STK10: variants seen among roughly 807,000 people sequenced by gnomAD.
The protein encoded by STK10 is serine/threonine-protein kinase 10.
In STK10, 78 loss-of-function variants were observed where a neutral mutation model predicts 113.8. The ratio of observed to expected loss-of-function variants is 0.69; its 90% CI spans 0.57 to 0.83. The LOEUF is 0.83. Ranked by LOEUF, STK10 falls within the 40% of genes least tolerant of loss-of-function variation. The probability of loss-of-function intolerance (pLI) is 0.00; values close to 1 mark genes in which losing one functional copy is unlikely to be tolerated. For missense variants in STK10, 1,109 were observed against 1,280.1 expected (o/e 0.87, Z 2.04); for synonymous variants, 465 against 494.7 (o/e 0.94, Z 0.80).
chr5:172,079,470 T>C (rs1006358288), intron 12 of STK10, among the ~76,000 whole-genome samples: 1 of 152,148 alleles, frequency 6.6e-6, no homozygotes, highest in African/African-American at 2.4e-5. Context: ...TTTTATTTGT[T>C]CAATATTGGA....
chr5:172,054,079 G>A (rs967092704), intron 17 of STK10, among the ~76,000 whole-genome samples: 9 of 152,196 alleles, frequency 5.9e-5, no homozygotes, highest in African/African-American at 9.7e-5. Context: ...CCTGAGGTTC[G>A]AATCAGCCCC....
At position 172,044,992 on chromosome 5, in the gene STK10, G is replaced by T. The variant is rs781680627; in HGVS notation, c.2797C>A (p.Arg933=). 1.2e-6 allele frequency: 2 copies of T among 1,614,062 alleles called. No homozygotes were observed. Among genetic ancestry groups the T allele is most frequent in the Non-Finnish European group, 1.7e-6 (2 of 1,180,048 alleles). Residue 933 remains arginine, a synonymous_variant, in exon 19 of 19, where the codon CGG becomes AGG. Transcript: ENST00000176763. This position sits in a 1 kb window ranked among gnomAD's most constrained non-coding sequence, Gnocchi z 4.5. ...ALEEDLNQKK[R]EQEMFFKLSE... is the part of the protein sequence containing the mutation. ...AGCTTGAAGAACATCTCCTGCTCCC[G>T]CTTCTTCTGGTTCAGATCCTCTTCC...
chr5:172,157,717 G>A (rs1470043397), intron 1 of STK10, among the ~76,000 whole-genome samples: 3 of 151,770 alleles, frequency 2.0e-5, no homozygotes, highest in African/African-American at 4.8e-5. Flanking sequence ...TCAGCCTCCC[G>A]AGAACTGGAA....
At position 172,090,270 on chromosome 5, in the gene STK10, G is replaced by A. The variant is rs756747574; in HGVS notation, c.1647C>T (p.Ser549=). ...TCTCCTCATCCTTCTTCTCATCTTC[G>A]CTGATGATCTTGGAGGTGGTGATGC... ...EVSITTSKII[S]EDEKKDEEMR... Residue 549 remains serine, a synonymous_variant, in exon 10 of 19, where the codon AGC becomes AGT. Coordinates refer to ENST00000176763, the MANE Select transcript of STK10 (RefSeq NM_005990.4). 35 of 1,613,936 alleles carry A rather than the reference G, an allele frequency of 2.2e-5. No homozygotes were observed. In the Middle Eastern group the frequency reaches 5.0e-4, roughly 23 times the overall value.
chr5:172,094,357 TTTTA>T (rs1248571682), intron 8 of STK10, among the ~76,000 whole-genome samples: 1 of 152,108 alleles, frequency 6.6e-6, no homozygotes, highest in Non-Finnish European at 1.5e-5. Flanking sequence ...TAATTTTTTA[TTTTA>T]TTTATTTATC....
intron 12 of STK10, among the ~76,000 whole-genome samples, chr5:172,078,484 A>G (rs1382395192): frequency 6.6e-6 from 1 of 151,950 alleles, no homozygotes; most frequent in African/African-American, 2.4e-5. Flanking sequence ...TGAGACCCCT[A>G]TTCCTACAAA....
chr5:172,187,725 T>C lies in STK10; in HGVS notation c.156+162A>G, dbSNP rs945083373. ...GGGACTCGGCCGGGCCGAGTGATGT[T>C]CCCCCCAAAAAACAAGAGTCATCGG... On this transcript the variant is annotated intron_variant, in intron 1 of 18. Coordinates refer to ENST00000176763, the MANE Select transcript of STK10 (RefSeq NM_005990.4). This position sits in a 1 kb window ranked among gnomAD's most constrained non-coding sequence, Gnocchi z 4.6. Among the ~76,000 whole-genome samples the C allele has an allele frequency of 6.6e-6, 1 of 151,722 alleles. No individual in the cohort carries two copies. Among genetic ancestry groups the C allele is most frequent in the African/African-American group, 2.4e-5 (1 of 41,272 alleles).
intron 12 of STK10, among the ~76,000 whole-genome samples, chr5:172,078,587 G>A (rs1381032658): frequency 7.5e-6 from 1 of 134,058 alleles, no homozygotes; most frequent in Non-Finnish European, 1.5e-5. Context: ...GCAGTGACCC[G>A]TGACTGTGCC....
At chr5:172,090,489 T>G in intron 9 of STK10, 127 bp from the exon 10 acceptor site, 2 of 1,325,158 alleles carry the variant, frequency 1.5e-6, no homozygotes, top group South Asian at 2.9e-5. Context: ...GATGTGGCCA[T>G]CCATCGTCCC....
chr5:172,131,034 T>TTG (rs1769744360), intron 2 of STK10, among the ~76,000 whole-genome samples: 1 of 139,838 alleles, frequency 7.2e-6, no homozygotes, highest in African/African-American at 2.9e-5. Flanking sequence ...CATCAGCTGT[T>TTG]TTTTTTTTTT....
chr5:172,069,789 G>C (rs902872836), intron 12 of STK10, among the ~76,000 whole-genome samples: 1 of 152,036 alleles, frequency 6.6e-6, no homozygotes, highest in Non-Finnish European at 1.5e-5. Flanking sequence ...GAGAAGACCT[G>C]AACAATACTA....
chr5:172,058,669 C>A (rs1381881935), intron 14 of STK10, among the ~76,000 whole-genome samples: 1 of 151,968 alleles, frequency 6.6e-6, no homozygotes, highest in Non-Finnish European at 1.5e-5. Context: ...GTGGGCAGAT[C>A]GCTTGAGCCT....
intron 18 of STK10, among the ~76,000 whole-genome samples, chr5:172,048,803 CAG>C (rs148261442): frequency 0.21 from 31,988 of 151,886 alleles, 3,736 homozygotes; most frequent in African/African-American, 0.3. Flanking sequence ...CCATCTCACA[CAG>C]AGTAAAAGCC....
intron 12 of STK10, among the ~76,000 whole-genome samples, chr5:172,081,351 C>CAAA (rs58173076): frequency 5.8e-5 from 4 of 68,590 alleles, no homozygotes; most frequent in Non-Finnish European, 2.9e-5. Context: ...ACTCCATCTC[C>CAAA]AAAAAAAAAA....
chr5:172,051,115 G>A (rs1274388967), intron 18 of STK10, among the ~76,000 whole-genome samples: 3 of 151,508 alleles, frequency 2.0e-5, no homozygotes, highest in Admixed American at 2.0e-4. Flanking sequence ...GGTCTTTCTC[G>A]CACTTGGATG....
rs1446251566 is a variant in STK10, at chr5:172,187,131, G to A, written c.156+756C>T. On this transcript the variant is annotated intron_variant, in intron 1 of 18. Coordinates refer to ENST00000176763, the MANE Select transcript of STK10 (RefSeq NM_005990.4). The surrounding 1 kb of genome is among the most constrained non-coding windows in gnomAD (Gnocchi z 4.6). Reference sequence around the variant, plus strand: ...TCCCAGGAGCAGAAACCAACGTCCTGCTGCCACACTTCTCTAGACTCAATC... The same window carrying A: ...TCCCAGGAGCAGAAACCAACGTCCTACTGCCACACTTCTCTAGACTCAATC... 3.9e-5 allele frequency among the ~76,000 whole-genome samples: 6 copies of A among 152,086 alleles called. No homozygotes were observed. The highest frequency in any genetic ancestry group is 8.8e-5 in the Non-Finnish European group (6 of 68,026).
intron 12 of STK10, among the ~76,000 whole-genome samples, chr5:172,073,172 T>G (rs1013561316): frequency 6.6e-6 from 1 of 151,922 alleles, no homozygotes; most frequent in African/African-American, 2.4e-5. Context: ...TTTTTTGAGA[T>G]GAAGTCTTGC....
At chr5:172,070,939 A>T (rs1156263075) in intron 12 of STK10, among the ~76,000 whole-genome samples, 1 of 152,000 alleles carries the variant, frequency 6.6e-6, no homozygotes, top group Admixed American at 6.6e-5. Flanking sequence ...GAAACAGGCC[A>T]GGGGCGGTGG....
chr5:172,081,718 T>A (rs1485436269), intron 12 of STK10, among the ~76,000 whole-genome samples: 5 of 152,170 alleles, frequency 3.3e-5, no homozygotes, highest in Admixed American at 2.6e-4. Flanking sequence ...TGCTACCAGT[T>A]GGGAGACTGG....
Sources: gnomAD v4.1 joint callset for allele counts (sites outside exome capture counted in the v4.1 genomes callset) on GRCh38, gnomAD v4.1.1 for gene constraint, Gnocchi (gnomAD v3.1) non-coding constraint, MANE v1.5 for transcripts, NCBI Gene and HGNC (gene_info 2026-07-23, HGNC 2026-07-21) for gene names.